SLC25A48: variants seen among roughly 807,000 people sequenced by gnomAD.
SLC25A48 encodes solute carrier family 25 member 48.
SLC25A48 carries 29 observed loss-of-function variants against 32.2 expected under a neutral mutation model. That is an observed-to-expected ratio of 0.90 (90% CI 0.67 to 1.23). The LOEUF (loss-of-function observed/expected upper bound fraction) is 1.23. Ranked by LOEUF, SLC25A48 falls within the 50% of genes most tolerant of loss-of-function variation. SLC25A48 has a pLI of 0.00. For missense variants in SLC25A48, 399 were observed against 422.7 expected (o/e 0.94, Z 0.49); for synonymous variants, 164 against 172.3 (o/e 0.95, Z 0.38).
At chr5:135,760,364 T>C (rs1389689781) in intron 3 of SLC25A48, among the ~76,000 whole-genome samples, 4 of 152,146 alleles carry the variant, frequency 2.6e-5, no homozygotes, top group Non-Finnish European at 5.9e-5. Context: ...CCTGTTTGAC[T>C]TGGTTGGGAT....
intron 3 of SLC25A48, among the ~76,000 whole-genome samples, chr5:135,725,632 T>G (rs1755071290): frequency 6.6e-6 from 1 of 152,220 alleles, no homozygotes; most frequent in African/African-American, 2.4e-5. Context: ...TAGTCATTAC[T>G]GTTTCCCTCT....
chr5:135,756,781 G>A (rs1328621637), intron 3 of SLC25A48, among the ~76,000 whole-genome samples: 3 of 151,490 alleles, frequency 2.0e-5, no homozygotes, highest in African/African-American at 7.3e-5. Context: ...ATAATATCTA[G>A]TGTTAACACA....
chr5:135,810,633 C>T lies in SLC25A48; in HGVS notation c.-520-1890C>T, dbSNP rs1471200235. ...TGGCTCCTCTCTTTCTGCTCTGCCA[C>T]ACACAGCATGTGGTTTTTGTCCTAC... is the stretch of plus-strand genomic sequence containing the variant. On this transcript the variant is annotated intron_variant, in intron 3 of 10. Coordinates refer to the SLC25A48 transcript ENST00000646290. 4.6e-5 allele frequency among the ~76,000 whole-genome samples: 7 copies of T among 152,278 alleles called. No individual in the cohort carries two copies. The South Asian group carries it at 6.2e-4, about 14-fold the overall frequency.
intron 3 of SLC25A48, among the ~76,000 whole-genome samples, chr5:135,730,462 T>A (rs1214195474): frequency 6.6e-6 from 1 of 152,224 alleles, no homozygotes; most frequent in Non-Finnish European, 1.5e-5. Context: ...GCCATGATTG[T>A]GAAGATTCCC....
chr5:135,801,964 G>A (rs75113025), intron 3 of SLC25A48, among the ~76,000 whole-genome samples: 1 of 151,710 alleles, frequency 6.6e-6, no homozygotes, highest in Non-Finnish European at 1.5e-5. Flanking sequence ...ATTGCAGTGG[G>A]TGTACACCCC....
chr5:135,790,030 A>T (rs1035403255), intron 3 of SLC25A48, among the ~76,000 whole-genome samples: 1 of 151,962 alleles, frequency 6.6e-6, no homozygotes, highest in African/African-American at 2.4e-5. Context: ...TAAGTGTAAC[A>T]TCTCAATAGG....
chr5:135,835,508 C>T (rs1363498714), intron 1 of SLC25A48, among the ~76,000 whole-genome samples: 1 of 152,076 alleles, frequency 6.6e-6, no homozygotes, highest in Non-Finnish European at 1.5e-5. Context: ...GTTGGGTCTG[C>T]TGATCCCTTC....
intron 3 of SLC25A48, among the ~76,000 whole-genome samples, chr5:135,760,504 C>T (rs1356554095): frequency 6.6e-6 from 1 of 152,202 alleles, no homozygotes; most frequent in Non-Finnish European, 1.5e-5. Flanking sequence ...TAGAAAAACA[C>T]AGCAAGAGGC....
chr5:135,803,775 G>A (rs920077394), intron 3 of SLC25A48, among the ~76,000 whole-genome samples: 17 of 151,452 alleles, frequency 1.1e-4, no homozygotes, highest in African/African-American at 3.4e-4. Context: ...TACCCACTCC[G>A]ATATTATATG....
chr5:135,861,170 G>T (rs930461522), intron 4 of SLC25A48, among the ~76,000 whole-genome samples: 8 of 152,152 alleles, frequency 5.3e-5, no homozygotes, highest in African/African-American at 1.7e-4. Flanking sequence ...CTGTGATCAT[G>T]CTATATGGAC....
chr5:135,816,410 G>A (rs1444740975), intron 4 of SLC25A48, among the ~76,000 whole-genome samples: 1 of 152,206 alleles, frequency 6.6e-6, no homozygotes, highest in African/African-American at 2.4e-5. Flanking sequence ...AACTGGCAAA[G>A]TGATTAAACA....
chr5:135,681,066 A>C (rs902584466), intron 3 of SLC25A48, among the ~76,000 whole-genome samples: 3 of 151,912 alleles, frequency 2.0e-5, no homozygotes, highest in African/African-American at 7.3e-5. Flanking sequence ...GCTCACCGCA[A>C]CCTCTGCCTC....
intron 3 of SLC25A48, among the ~76,000 whole-genome samples, chr5:135,810,143 T>C (rs1314944527): frequency 6.6e-6 from 1 of 152,194 alleles, no homozygotes; most frequent in African/African-American, 2.4e-5. Flanking sequence ...TTGCCTCAGA[T>C]GGACCATTTT....
chr5:135,672,649 G>A (rs1015864733), intron 3 of SLC25A48, among the ~76,000 whole-genome samples: 3 of 152,190 alleles, frequency 2.0e-5, no homozygotes, highest in Non-Finnish European at 4.4e-5. Flanking sequence ...TTCTGGAAAT[G>A]AACACGTAAC....
chr5:135,655,368 A>T (rs1753218430), intron 3 of SLC25A48, among the ~76,000 whole-genome samples: 1 of 152,172 alleles, frequency 6.6e-6, no homozygotes, highest in Non-Finnish European at 1.5e-5. Flanking sequence ...GGATGAGAAA[A>T]TGGAGGAACA....
At chr5:135,868,736 A>T (rs2126795784) in intron 4 of SLC25A48, among the ~76,000 whole-genome samples, 1 of 152,296 alleles carries the variant, frequency 6.6e-6, no homozygotes, top group East Asian at 1.9e-4. Context: ...GAAAAGAAGA[A>T]AAAGGATAAG....
chr5:135,828,863 C>T (rs1394643051), intron 4 of SLC25A48, among the ~76,000 whole-genome samples: 1 of 152,230 alleles, frequency 6.6e-6, no homozygotes, highest in South Asian at 2.1e-4. Flanking sequence ...GTGAGCAAAA[C>T]TCTTCCCGAC....
chr5:135,630,432 A>G (rs958056915), intron 2 of SLC25A48, among the ~76,000 whole-genome samples: 3 of 152,140 alleles, frequency 2.0e-5, no homozygotes, highest in African/African-American at 7.2e-5. Flanking sequence ...ATACTCCAGC[A>G]AAAATAGGCA....
intron 3 of SLC25A48, among the ~76,000 whole-genome samples, chr5:135,790,756 A>G (rs940839513): frequency 2.7e-5 from 4 of 150,942 alleles, no homozygotes; most frequent in South Asian, 4.2e-4. Flanking sequence ...TATTCTAGGA[A>G]AATGCTGTAC....
Sources: allele counts gnomAD v4.1 joint callset (sites outside exome capture counted in the v4.1 genomes callset), GRCh38; gene constraint gnomAD v4.1.1; transcripts MANE v1.5; gene names NCBI Gene and HGNC (gene_info 2026-07-23, HGNC 2026-07-21).